ABCB1: variants seen among roughly 807,000 people sequenced by gnomAD.
ABCB1 encodes the protein ATP-dependent translocase ABCB1.
A neutral mutation model predicts 142.0 loss-of-function variants in ABCB1; 69 were observed. The ratio of observed to expected loss-of-function variants is 0.49; its 90% CI spans 0.40 to 0.59. The LOEUF (loss-of-function observed/expected upper bound fraction) is 0.59, where lower values mean the gene tolerates loss of function less well. Ranked by LOEUF, ABCB1 falls within the 20% of genes least tolerant of loss-of-function variation. ABCB1 has a pLI of 0.00. For synonymous variants in ABCB1, 532 were observed against 539.2 expected (o/e 0.99, Z 0.18); for missense variants, 1,326 against 1,554.7 (o/e 0.85, Z 2.47).
At chr7:87,527,990 G>A (rs764180201) in intron 21 of ABCB1, among the ~76,000 whole-genome samples, 1 of 152,164 alleles carries the variant, frequency 6.6e-6, no homozygotes, top group Non-Finnish European at 1.5e-5. Context: ...GAAGATGAAG[G>A]AAGAGCAGAG....
intron 4 of ABCB1, among the ~76,000 whole-genome samples, chr7:87,582,008 C>T (rs1001249351): frequency 1.3e-5 from 2 of 152,168 alleles, no homozygotes; most frequent in African/African-American, 4.8e-5. Flanking sequence ...ACCTTTGATG[C>T]TATTCCCTGC....
At chr7:87,703,914 G>GTTTTTTTTTTTTTTTTTTTTTTTTTT (rs35797972) in intron 1 of ABCB1, among the ~76,000 whole-genome samples, 9 of 42,966 alleles carry the variant, frequency 2.1e-4, no homozygotes, top group Admixed American at 7.8e-4. Context: ...TTTTTTTTTG[G>GTTTTTTTTTTTTTTTTTTTTTTTTTT]TTTTTTTTTT....
At chr7:87,601,813 A>T (rs1347017978), upstream of ABCB1, among the ~76,000 whole-genome samples, 2 of 152,222 alleles carry the variant, frequency 1.3e-5, no homozygotes, top group Non-Finnish European at 2.9e-5. Flanking sequence ...AGTTTATTGC[A>T]TAAGTTTAGA....
At chr7:87,504,730 G>A (rs921244187) in intron 27 of ABCB1, among the ~76,000 whole-genome samples, 4 of 151,656 alleles carry the variant, frequency 2.6e-5, no homozygotes, top group African/African-American at 4.8e-5. Flanking sequence ...GTGTGAACCC[G>A]GGAGGCAGAG....
At chr7:87,703,430 A>G (rs1829267321) in intron 1 of ABCB1, among the ~76,000 whole-genome samples, 1 of 152,204 alleles carries the variant, frequency 6.6e-6, no homozygotes, top group African/African-American at 2.4e-5. Context: ...ATATGAAAGT[A>G]CACTTTTGGA....
intron 5 of ABCB1, among the ~76,000 whole-genome samples, chr7:87,569,425 C>T (rs915453474): frequency 5.9e-5 from 9 of 151,912 alleles, no homozygotes; most frequent in East Asian, 1.9e-4. Flanking sequence ...TTCACCTACA[C>T]GTACCTTTGG....
chr7:87,619,796 T>G (rs1820162190), intron 1 of ABCB1, among the ~76,000 whole-genome samples: 1 of 151,626 alleles, frequency 6.6e-6, no homozygotes, highest in Admixed American at 6.6e-5. Context: ...AAACTGACCT[T>G]GAGATTTCAA....
chr7:87,694,057 A>T, intron 1 of ABCB1: 1 of 1,550,194 alleles, frequency 6.5e-7, no homozygotes, highest in Non-Finnish European at 8.6e-7. Flanking sequence ...CTTTTTTAGT[A>T]CATTGCATGG....
chr7:87,600,032 T>C (rs1158340958), intron 2 of ABCB1, 85 bp downstream of exon 2: 1 of 1,260,904 alleles, frequency 7.9e-7, no homozygotes, highest in African/African-American at 1.5e-5. Flanking sequence ...CAACAACATG[T>C]CATTTATTTC....
intron 1 of ABCB1, among the ~76,000 whole-genome samples, chr7:87,654,832 A>C (rs1449213909): frequency 6.6e-6 from 1 of 152,126 alleles, no homozygotes; most frequent in Non-Finnish European, 1.5e-5. Flanking sequence ...TTTCCAAAAT[A>C]TATGAGGAAC....
At chr7:87,542,779 T>G (rs28381930) in intron 17 of ABCB1, among the ~76,000 whole-genome samples, 1 of 152,254 alleles carries the variant, frequency 6.6e-6, no homozygotes, top group East Asian at 1.9e-4. Context: ...TTATATAAAG[T>G]TTTAATGGAA....
chr7:87,694,929 A>G (rs1828372129), intron 1 of ABCB1, among the ~76,000 whole-genome samples: 2 of 152,158 alleles, frequency 1.3e-5, no homozygotes, highest in African/African-American at 2.4e-5. Context: ...CATACTTTAG[A>G]TATTTGTATA....
At position 87,514,942 on chromosome 7, in the gene ABCB1, T is replaced by A. The variant is rs1016794349; in HGVS notation, c.3282+289A>T. Among the ~76,000 whole-genome samples, 12 of 152,228 alleles carry A rather than the reference T, an allele frequency of 7.9e-5. No homozygotes were observed. In the East Asian group the frequency reaches 1.9e-3, roughly 25 times the overall value. The stretch of plus-strand genomic sequence containing the variant: ...TCCTGTATCTTTCTGGCTACTTCCA[T>A]TTTTGTTGGTTCTTTTCAAGTCAGC... On this transcript the variant is annotated intron_variant, in intron 25 of 27. Transcript: ENST00000622132.
intron 1 of ABCB1, 145 bp from the exon 2 acceptor site, chr7:87,600,335 G>C: frequency 2.8e-6 from 2 of 715,408 alleles, no homozygotes; most frequent in Admixed American, 2.0e-5. Flanking sequence ...GGCCGCGATG[G>C]GCACTGCAGG....
In ABCB1 at chr7:87,553,610, G is replaced by A. The variant is rs964998727; in HGVS notation, c.999+151C>T. ...GCTGGGATTACAGGTGTGAGCCACC[G>A]TGCCTGGCCTTCCACTTTTTAACCT... On this transcript the variant is annotated intron_variant, in intron 9 of 27. Coordinates refer to ENST00000622132, the MANE Select transcript of ABCB1 (RefSeq NM_001348946.2). 5 of 814,808 alleles carry A rather than the reference G, an allele frequency of 6.1e-6. No individual in the cohort carries two copies. The South Asian group carries it at 6.6e-5, about 11-fold the overall frequency. 50.5% of individuals were successfully genotyped at this position (814,808 alleles called of 1,614,324 possible). A position where few individuals can be genotyped will look rare whatever the true frequency, so the allele number is the denominator to read the frequency against.
At chr7:87,607,721 T>G (rs1175843613) in intron 1 of ABCB1, among the ~76,000 whole-genome samples, 1 of 152,008 alleles carries the variant, frequency 6.6e-6, no homozygotes, top group Non-Finnish European at 1.5e-5. Flanking sequence ...CTGGCTAATT[T>G]TTTTTTGTAG....
chr7:87,560,105 C>T (rs1817495751), intron 8 of ABCB1, among the ~76,000 whole-genome samples: 1 of 152,180 alleles, frequency 6.6e-6, no homozygotes, highest in South Asian at 2.1e-4. Context: ...TGTCTGTAAC[C>T]TTACCACCCC....
intron 1 of ABCB1, among the ~76,000 whole-genome samples, chr7:87,626,753 ATATATATGT>A (rs1434181785): frequency 4.1e-5 from 2 of 48,504 alleles, no homozygotes; most frequent in Admixed American, 2.2e-4. Flanking sequence ...TATATATGTC[ATATATATGT>A]CATATATATG....
At chr7:87,560,014 GTATCCTCATGATTCTCT>G (rs1420394531) in intron 8 of ABCB1, among the ~76,000 whole-genome samples, 5 of 152,084 alleles carry the variant, frequency 3.3e-5, no homozygotes, top group Non-Finnish European at 5.9e-5. Flanking sequence ...TATCTAAATA[GTATCCTCATGATTCTCT>G]TATTTTATTT....
Sources: allele counts gnomAD v4.1 joint callset (sites outside exome capture counted in the v4.1 genomes callset), GRCh38; gene constraint gnomAD v4.1.1; transcripts MANE v1.5; gene names NCBI Gene and HGNC (gene_info 2026-07-23, HGNC 2026-07-21).